The following PDE11A variants were observed in gnomAD, a reference collection of about 807,000 sequenced individuals.
PDE11A encodes the protein phosphodiesterase 11A, also known as dual 3',5'-cyclic-AMP and -GMP phosphodiesterase 11A.
Under a neutral mutation model 100.5 loss-of-function variants are expected in PDE11A, and 100 were observed. The ratio of observed to expected loss-of-function variants is 1.00; its 90% CI spans 0.85 to 1.18. PDE11A has a LOEUF of 1.18. Ranked by LOEUF, PDE11A falls within the 50% of genes most tolerant of loss-of-function variation. The pLI is 0.00. For missense variants in PDE11A, 1,141 were observed against 1,152.6 expected, an observed-to-expected ratio of 0.99 and a Z score of 0.15; for synonymous variants, 381 against 420.8, an observed-to-expected ratio of 0.91 and a Z score of 1.16.
intron 12 of PDE11A, among the ~76,000 whole-genome samples, chr2:177,719,153 G>A (rs999030444): frequency 2.6e-5 from 4 of 152,082 alleles, no homozygotes; most frequent in Admixed American, 2.6e-4. Context: ...CTTGCCATGT[G>A]TGCAGTCCTG....
chr2:178,036,780 C>T (rs1247191064), intron 1 of PDE11A, among the ~76,000 whole-genome samples: 2 of 152,140 alleles, frequency 1.3e-5, no homozygotes, highest in Non-Finnish European at 2.9e-5. Context: ...GAAAGGATTC[C>T]ATATTTAATA....
chr2:177,770,836 T>C (rs2082301678), intron 9 of PDE11A, among the ~76,000 whole-genome samples: 2 of 152,186 alleles, frequency 1.3e-5, no homozygotes, highest in African/African-American at 4.8e-5. Context: ...TTTGTTGTGG[T>C]TTTGTTTTTG....
intron 6 of PDE11A, among the ~76,000 whole-genome samples, chr2:177,833,942 G>A (rs189580303): frequency 2.1e-4 from 32 of 152,308 alleles, no homozygotes; most frequent in African/African-American, 7.7e-4. Flanking sequence ...GCAGACTAGA[G>A]GCCCACATGC....
chr2:177,802,048 C>CA (rs1347650174), intron 9 of PDE11A, among the ~76,000 whole-genome samples: 3 of 151,424 alleles, frequency 2.0e-5, no homozygotes, highest in African/African-American at 7.3e-5. Flanking sequence ...TAAAAGTGGG[C>CA]AAAAAAATTG....
At chr2:177,969,731 T>C (rs977340692) in intron 2 of PDE11A, among the ~76,000 whole-genome samples, 2 of 152,200 alleles carry the variant, frequency 1.3e-5, no homozygotes, top group Non-Finnish European at 2.9e-5. Context: ...CAATCTTGTA[T>C]TTACAAGATT....
intron 5 of PDE11A, among the ~76,000 whole-genome samples, chr2:177,846,092 A>G (rs1388128339): frequency 6.6e-6 from 1 of 151,992 alleles, no homozygotes; most frequent in Non-Finnish European, 1.5e-5. Flanking sequence ...CTAATGGTCT[A>G]CTATAATGCA....
Position 177,629,198 on chromosome 2 carries a change from G to A in PDE11A, c.*209C>T, listed in dbSNP as rs568350744. ...ATTAGGGAAAAGTGAGGGTCCTGGGGTGTGCTCCCTGCCCCACCTCTTTCT... is the reference window on the plus strand; with the variant it reads ...ATTAGGGAAAAGTGAGGGTCCTGGGATGTGCTCCCTGCCCCACCTCTTTCT... On this transcript the variant is annotated 3_prime_UTR_variant, in exon 20 of 20. Coordinates refer to ENST00000286063, the MANE Select transcript of PDE11A (RefSeq NM_016953.4). 4.9e-6 allele frequency: 3 copies of A among 616,434 alleles called. No homozygotes were observed. The highest frequency in any genetic ancestry group is 3.6e-5 in the African/African-American group (2 of 55,070). 38.2% of individuals were successfully genotyped at this position (616,434 alleles called of 1,614,324 possible). A position where few individuals can be genotyped will look rare whatever the true frequency, so the allele number is the denominator to read the frequency against.
chr2:177,711,209 G>T (rs1002082733), intron 13 of PDE11A, among the ~76,000 whole-genome samples: 1 of 152,202 alleles, frequency 6.6e-6, no homozygotes, highest in African/African-American at 2.4e-5. Flanking sequence ...TAGTTGCCCA[G>T]ACATCCCTGT....
At chr2:177,906,044 G>T (rs1038044398) in intron 2 of PDE11A, among the ~76,000 whole-genome samples, 6 of 152,130 alleles carry the variant, frequency 3.9e-5, no homozygotes, top group African/African-American at 1.2e-4. Context: ...AAAACTGAAA[G>T]AACTATTTCC....
chr2:177,640,354 T>G (rs986006965), intron 19 of PDE11A, among the ~76,000 whole-genome samples: 2 of 152,216 alleles, frequency 1.3e-5, no homozygotes, highest in African/African-American at 4.8e-5. Context: ...TATTTTGAAA[T>G]GGAAAACCAC....
chr2:178,004,226 A>G (rs1291717449), intron 2 of PDE11A, among the ~76,000 whole-genome samples: 2 of 152,082 alleles, frequency 1.3e-5, no homozygotes, highest in Non-Finnish European at 2.9e-5. Context: ...CAAATTTTCT[A>G]TAACAAGCTC....
intron 19 of PDE11A, among the ~76,000 whole-genome samples, chr2:177,633,581 T>C (rs1474593491): frequency 2.0e-5 from 3 of 152,254 alleles, no homozygotes; most frequent in Admixed American, 2.0e-4. Context: ...AATTTACTAG[T>C]TATTTCATAT....
chr2:178,011,556 C>T (rs1233553085), intron 2 of PDE11A, among the ~76,000 whole-genome samples: 1 of 152,172 alleles, frequency 6.6e-6, no homozygotes, highest in East Asian at 1.9e-4. Flanking sequence ...ACCCTCCCAG[C>T]TACCACCTTT....
intron 15 of PDE11A, among the ~76,000 whole-genome samples, chr2:177,694,802 C>G (rs999657089): frequency 5.3e-5 from 8 of 151,968 alleles, no homozygotes; most frequent in African/African-American, 1.7e-4. Flanking sequence ...TTTCCTAATG[C>G]TTTCATTTGA....
chr2:178,061,191 C>T (rs892462516), intron 1 of PDE11A, among the ~76,000 whole-genome samples: 6 of 151,954 alleles, frequency 3.9e-5, no homozygotes, highest in African/African-American at 7.3e-5. Context: ...AGGCAGTATA[C>T]GGTTCTTGCC....
intron 2 of PDE11A, 99 bp downstream of exon 2, chr2:178,014,203 T>C (rs1202291836): frequency 1.5e-5 from 14 of 920,716 alleles, no homozygotes; most frequent in African/African-American, 3.3e-5. Context: ...ATGAATGGGC[T>C]AATCCAACAG....
chr2:177,932,801 G>C (rs1348118597), intron 2 of PDE11A, among the ~76,000 whole-genome samples: 1 of 151,090 alleles, frequency 6.6e-6, no homozygotes, highest in East Asian at 1.9e-4. Flanking sequence ...CATAGCACTG[G>C]AGGTGCTAGC....
At chr2:177,739,317 T>C (rs1230948995) in intron 10 of PDE11A, among the ~76,000 whole-genome samples, 1 of 152,164 alleles carries the variant, frequency 6.6e-6, no homozygotes, top group African/African-American at 2.4e-5. Context: ...TTAGACTTAG[T>C]AGCTAATGGC....
chr2:178,020,924 G>GGGGT lies in PDE11A; in HGVS notation c.913-6465_913-6464insACCC, dbSNP rs1491389840. ...CTTTGTTTTTTTGTTTTTTTGTCTT[G>GGGGT]GTGTGTGTGTGTGTGTGTGTGTGTG... On this transcript the variant is annotated intron_variant, in intron 1 of 19. Transcript: ENST00000286063. Among the ~76,000 whole-genome samples, 781 of 125,788 alleles carry GGGGT rather than the reference G, an allele frequency of 6.2e-3. 7 individuals are homozygous for GGGGT. The highest frequency in any genetic ancestry group is 0.02 in the Middle Eastern group (5 of 250). The allele number at this position is 125,788 out of a possible 152,430, so 82.5% of individuals were successfully genotyped here.
Sources: allele counts gnomAD v4.1 joint callset (sites outside exome capture counted in the v4.1 genomes callset), GRCh38; gene constraint gnomAD v4.1.1; transcripts MANE v1.5; gene names NCBI Gene and HGNC (gene_info 2026-07-23, HGNC 2026-07-21).